Variants in SNRPA observed in about 807,000 individuals in gnomAD.
SNRPA encodes the protein small nuclear ribonucleoprotein polypeptide A.
SNRPA carries 10 observed loss-of-function variants against 24.5 expected under a neutral mutation model. The ratio of observed to expected loss-of-function variants is 0.41; its 90% CI spans 0.25 to 0.69. The LOEUF is 0.69. Ranked by LOEUF, SNRPA falls within the 30% of genes least tolerant of loss-of-function variation. The pLI is 0.33. For missense variants in SNRPA, 283 were observed against 394.7 expected, an observed-to-expected ratio of 0.72 and a Z score of 2.40; for synonymous variants, 165 against 148.4, an observed-to-expected ratio of 1.11 and a Z score of -0.81.
rs750819200 is a variant in SNRPA at position 40,763,614 on chromosome 19, T to C, written c.628T>C (p.Leu210=). 2.3e-5 allele frequency: 37 copies of C among 1,614,024 alleles called. No homozygotes were observed. The highest frequency in any genetic ancestry group is 3.1e-5 in the Non-Finnish European group (36 of 1,180,022). Residue 210 remains leucine, a synonymous_variant, in exon 5 of 6, where the codon TTG becomes CTG. Transcript: ENST00000243563. ...PLSENPPNHI[L]FLTNLPEETN... is the part of the protein sequence containing the mutation. ...TTCTGAGAATCCACCGAATCACATC[T>C]TGTTCCTCACCAACCTGCCAGAGGA...
chr19:40,753,966 T>G (rs1007983622), intron 1 of SNRPA, among the ~76,000 whole-genome samples: 1 of 151,656 alleles, frequency 6.6e-6, no homozygotes, highest in African/African-American at 2.4e-5. Flanking sequence ...CACACCCGGC[T>G]AATTTTTTGT....
intron 3 of SNRPA, 143 bp from the exon 4 acceptor site, chr19:40,762,758 C>T (rs1003811723): frequency 1.4e-6 from 1 of 727,298 alleles, no homozygotes; most frequent in Non-Finnish European, 2.2e-6. Flanking sequence ...TTGTTTTGCT[C>T]TGTCGGGCCC....
At chr19:40,754,581 C>T (rs1224969651) in intron 1 of SNRPA, among the ~76,000 whole-genome samples, 4 of 152,150 alleles carry the variant, frequency 2.6e-5, no homozygotes, top group Admixed American at 2.6e-4. Context: ...ATTTATGTTA[C>T]ACTGAGGGAG....
chr19:40,763,143 T>C (rs2082940182), intron 4 of SNRPA, 69 bp downstream of exon 4: 6 of 1,272,498 alleles, frequency 4.7e-6, no homozygotes, highest in Non-Finnish European at 5.4e-6. Flanking sequence ...AAGGGACCAG[T>C]TGGGGGGCTG....
At chr19:40,751,560 T>A (rs2082863785) in intron 1 of SNRPA, 79 bp downstream of exon 1, 1 of 1,046,594 alleles carries the variant, frequency 9.6e-7, no homozygotes, top group Non-Finnish European at 1.5e-6. Flanking sequence ...CCCGCCTCTC[T>A]TTCTAAGTGT....
intron 1 of SNRPA, among the ~76,000 whole-genome samples, chr19:40,754,048 A>G (rs2082897657): frequency 6.9e-6 from 1 of 145,898 alleles, no homozygotes; most frequent in African/African-American, 2.5e-5. Flanking sequence ...TGATCTGCCC[A>G]CCTTGGCCTC....
chr19:40,757,932 ACT>A (rs1213887966), intron 2 of SNRPA, among the ~76,000 whole-genome samples: 1 of 150,972 alleles, frequency 6.6e-6, no homozygotes, highest in East Asian at 2.0e-4. Flanking sequence ...ACAGAGTGAG[ACT>A]CTGTCTCAGA....
At chr19:40,759,805 C>T (rs1033015034) in intron 3 of SNRPA, among the ~76,000 whole-genome samples, 195 bp downstream of exon 3, 1 of 152,178 alleles carries the variant, frequency 6.6e-6, no homozygotes, top group African/African-American at 2.4e-5. Context: ...CCTTTCGAAA[C>T]TCTTGTTCCC....
At chr19:40,752,703 G>C (rs1256274051) in intron 1 of SNRPA, among the ~76,000 whole-genome samples, 2 of 150,936 alleles carry the variant, frequency 1.3e-5, no homozygotes, top group Admixed American at 1.3e-4. Context: ...AGTGAGCTAT[G>C]ATTGCACCAC....
In SNRPA at chr19:40,751,402, T is replaced by A. The variant is rs762754472; in HGVS notation, c.-7T>A. On this transcript the variant is annotated 5_prime_UTR_variant, in exon 1 of 6. Coordinates refer to ENST00000243563, the MANE Select transcript of SNRPA (RefSeq NM_004596.5). ...CTCCTTTAAGACTTACCTCAACACT[T>A]CACTCCATGGCAGTTCCCGAGACCC... 1.2e-5 allele frequency: 19 copies of A among 1,609,280 alleles called. No individual in the cohort carries two copies. The highest frequency in any genetic ancestry group is 1.4e-5 in the Non-Finnish European group (17 of 1,175,658).
intron 1 of SNRPA, among the ~76,000 whole-genome samples, chr19:40,752,373 CA>C (rs532591372): frequency 1.2e-4 from 18 of 151,302 alleles, no homozygotes; most frequent in Non-Finnish European, 2.5e-4. Flanking sequence ...GAAACTGAGA[CA>C]GGGGTGATGT....
intron 1 of SNRPA, among the ~76,000 whole-genome samples, chr19:40,755,331 G>A (rs1326090927): frequency 8.3e-6 from 1 of 120,394 alleles, no homozygotes; most frequent in Non-Finnish European, 1.6e-5. Flanking sequence ...GGCTGGTCTT[G>A]AACTCCTGAC....
chr19:40,752,154 A>G (rs1428650470), intron 1 of SNRPA, among the ~76,000 whole-genome samples: 3 of 151,780 alleles, frequency 2.0e-5, no homozygotes, highest in South Asian at 4.2e-4. Context: ...CCTGACCGAC[A>G]TGGAGAAACC....
intron 1 of SNRPA, among the ~76,000 whole-genome samples, chr19:40,751,706 A>G (rs2082866780): frequency 6.6e-6 from 1 of 152,190 alleles, no homozygotes; most frequent in Non-Finnish European, 1.5e-5. Flanking sequence ...TTGAGGTCAC[A>G]GGACCCTTCC....
At chr19:40,755,212 G>T (rs942629583) in intron 1 of SNRPA, among the ~76,000 whole-genome samples, 1 of 148,186 alleles carries the variant, frequency 6.7e-6, no homozygotes, top group Non-Finnish European at 1.5e-5. Context: ...CAGTAGCTGG[G>T]ATTACAAGCG....
chr19:40,754,543 G>A (rs2082900361), intron 1 of SNRPA, among the ~76,000 whole-genome samples: 1 of 152,202 alleles, frequency 6.6e-6, no homozygotes, highest in African/African-American at 2.4e-5. Context: ...GAGACATTTT[G>A]GAGAGCCTGC....
chr19:40,754,342 C>T (rs1446739713), intron 1 of SNRPA, among the ~76,000 whole-genome samples: 1 of 151,542 alleles, frequency 6.6e-6, no homozygotes, highest in Admixed American at 6.6e-5. Context: ...AACTGTGATC[C>T]ACCCGCCTCG....
intron 1 of SNRPA, among the ~76,000 whole-genome samples, chr19:40,752,432 A>G (rs573467845): frequency 6.7e-6 from 1 of 150,194 alleles, no homozygotes; most frequent in Non-Finnish European, 1.5e-5. Flanking sequence ...GGCCACCCGT[A>G]TAGAATTCTG....
intron 3 of SNRPA, among the ~76,000 whole-genome samples, chr19:40,762,689 C>G (rs1260011179): frequency 6.6e-6 from 1 of 152,174 alleles, no homozygotes; most frequent in Non-Finnish European, 1.5e-5. Context: ...ATCCTCCTAC[C>G]TCAGCCTCAC....
Sources: allele counts gnomAD v4.1 joint callset (sites outside exome capture counted in the v4.1 genomes callset), GRCh38; gene constraint gnomAD v4.1.1; transcripts MANE v1.5; gene names NCBI Gene and HGNC (gene_info 2026-07-23, HGNC 2026-07-21).